PCDH7: variants seen among roughly 807,000 people sequenced by gnomAD.
PCDH7 encodes protocadherin-7.
Under a neutral mutation model 58.9 loss-of-function variants are expected in PCDH7, and 17 were observed. That is an observed-to-expected ratio of 0.29 (90% confidence interval 0.20 to 0.43). The LOEUF (loss-of-function observed/expected upper bound fraction) is 0.43, where lower values mean the gene tolerates loss of function less well. PCDH7 is among the 20% of genes least tolerant of loss of function. The pLI is 1.00. For missense variants in PCDH7, 1,274 were observed against 1,441.0 expected, an observed-to-expected ratio of 0.88 and a Z score of 1.88; for synonymous variants, 664 against 616.4, an observed-to-expected ratio of 1.08 and a Z score of -1.14.
intron 3 of PCDH7, among the ~76,000 whole-genome samples, chr4:31,071,060 C>T (rs556063381): frequency 4.6e-5 from 7 of 151,936 alleles, no homozygotes; most frequent in Non-Finnish European, 1.0e-4. Context: ...AGTGCAGGGC[C>T]CCTTCTTGCC....
chr4:30,819,150 T>A (rs1218762387), intron 1 of PCDH7, among the ~76,000 whole-genome samples: 1 of 152,144 alleles, frequency 6.6e-6, no homozygotes, highest in Non-Finnish European at 1.5e-5. Flanking sequence ...CCACGACTCA[T>A]AGTGGATAAA....
At chr4:31,134,788 G>C (rs927836547) in intron 3 of PCDH7, among the ~76,000 whole-genome samples, 2 of 152,266 alleles carry the variant, frequency 1.3e-5, no homozygotes, top group Admixed American at 6.5e-5. Flanking sequence ...CTGGGTCTCT[G>C]TCTCAAGTGG....
intron 3 of PCDH7, among the ~76,000 whole-genome samples, chr4:31,012,273 T>A (rs1753252700): frequency 6.6e-6 from 1 of 152,134 alleles, no homozygotes; most frequent in Non-Finnish European, 1.5e-5. Context: ...AAGACAAACT[T>A]CCTTTCAAGG....
At chr4:31,145,977 A>G (rs929902554), downstream of PCDH7, 2 of 152,130 alleles carry the variant, frequency 1.3e-5, no homozygotes, top group Non-Finnish European at 2.9e-5. Flanking sequence ...ATTAGGACAC[A>G]TTTATAAATT....
At chr4:30,976,372 T>C (rs1024487815) in intron 3 of PCDH7, among the ~76,000 whole-genome samples, 5 of 149,592 alleles carry the variant, frequency 3.3e-5, no homozygotes, top group African/African-American at 9.9e-5. Flanking sequence ...ATTACAGGCA[T>C]GAGCCACCAC....
At chr4:31,090,386 T>C (rs965908007) in intron 3 of PCDH7, among the ~76,000 whole-genome samples, 6 of 151,958 alleles carry the variant, frequency 3.9e-5, no homozygotes, top group Non-Finnish European at 5.9e-5. Context: ...GGATTATCCG[T>C]CACCTACGGC....
chr4:30,804,269 G>A (rs773121590), intron 1 of PCDH7, among the ~76,000 whole-genome samples: 6 of 152,200 alleles, frequency 3.9e-5, no homozygotes, highest in South Asian at 2.1e-4. Flanking sequence ...GGCCAGGCAC[G>A]GTGGCTCATG....
chr4:30,759,912 T>C (rs1040114282), intron 1 of PCDH7, among the ~76,000 whole-genome samples: 7 of 152,142 alleles, frequency 4.6e-5, no homozygotes, highest in Non-Finnish European at 8.8e-5. Flanking sequence ...GTGATGTTTC[T>C]CTTGGTTTGG....
rs78344974 is a variant in PCDH7 at position 30,785,583 on chromosome 4, T to C, written c.70+60987T>C. On this transcript the variant is annotated intron_variant, in intron 1 of 3. Coordinates refer to the PCDH7 transcript ENST00000509759. ...CTTAACTTTATACAGCTAATATTGA[T>C]AATATACTGTCAGAGCATTTTAATG... Among the ~76,000 whole-genome samples, 35 of 152,202 alleles carry C rather than the reference T, an allele frequency of 2.3e-4. No homozygotes were observed. The East Asian group carries it at 5.6e-3, about 24-fold the overall frequency.
intron 1 of PCDH7, among the ~76,000 whole-genome samples, chr4:30,750,571 C>T (rs976382243): frequency 6.6e-6 from 1 of 152,078 alleles, no homozygotes; most frequent in Non-Finnish European, 1.5e-5. Context: ...ACCCTGGGTG[C>T]AAATTTGGAG....
At chr4:30,855,534 G>A (rs531988707) in intron 1 of PCDH7, among the ~76,000 whole-genome samples, 1 of 152,236 alleles carries the variant, frequency 6.6e-6, no homozygotes, top group East Asian at 1.9e-4. Flanking sequence ...AGTCAAATGA[G>A]CCTCTCTTGA....
At chr4:31,052,990 G>T (rs887280930) in intron 3 of PCDH7, among the ~76,000 whole-genome samples, 1 of 151,774 alleles carries the variant, frequency 6.6e-6, no homozygotes, top group African/African-American at 2.4e-5. Context: ...TATTCGTCAC[G>T]AGTCAAATTA....
chr4:30,913,032 G>A (rs898444642), intron 1 of PCDH7, among the ~76,000 whole-genome samples: 2 of 150,716 alleles, frequency 1.3e-5, no homozygotes, highest in Admixed American at 1.3e-4. Flanking sequence ...ATATATATTT[G>A]TTAATATTCT....
At chr4:30,964,373 C>T (rs564568344) in intron 3 of PCDH7, among the ~76,000 whole-genome samples, 1 of 151,934 alleles carries the variant, frequency 6.6e-6, no homozygotes, top group South Asian at 2.1e-4. Flanking sequence ...TCCCGAGTAG[C>T]TGGGACTACA....
chr4:31,080,232 C>T (rs1759385674), intron 3 of PCDH7, among the ~76,000 whole-genome samples: 1 of 151,970 alleles, frequency 6.6e-6, no homozygotes, highest in African/African-American at 2.4e-5. Flanking sequence ...CCTGATTTTG[C>T]TTCTTTCCCC....
At chr4:30,965,960 T>C (rs13108231) in intron 3 of PCDH7, among the ~76,000 whole-genome samples, 93,478 of 151,988 alleles carry the variant, frequency 0.62, 30,026 homozygotes, top group African/African-American at 0.81. Flanking sequence ...AGAGTGAAAA[T>C]GCATTTTTCT....
chr4:31,140,360 A>G (rs1261961370), intron 3 of PCDH7, among the ~76,000 whole-genome samples: 2 of 152,178 alleles, frequency 1.3e-5, no homozygotes, highest in East Asian at 3.9e-4. Flanking sequence ...ATGATTGGAG[A>G]CAATTCAGGG....
intron 3 of PCDH7, among the ~76,000 whole-genome samples, chr4:31,086,768 C>A (rs1434726470): frequency 6.6e-6 from 1 of 152,004 alleles, no homozygotes; most frequent in African/African-American, 2.4e-5. Flanking sequence ...ACAGCTTATG[C>A]CAGATAAAGA....
At chr4:31,127,071 A>G (rs1054273913) in intron 3 of PCDH7, among the ~76,000 whole-genome samples, 4 of 152,192 alleles carry the variant, frequency 2.6e-5, no homozygotes, top group African/African-American at 7.2e-5. Flanking sequence ...ACCTGAAAAT[A>G]TTGGCAAAAA....
Sources: allele counts gnomAD v4.1 joint callset (sites outside exome capture counted in the v4.1 genomes callset), GRCh38; gene constraint gnomAD v4.1.1; transcripts MANE v1.5; gene names NCBI Gene and HGNC (gene_info 2026-07-23, HGNC 2026-07-21).